The following TENM3 variants were observed in gnomAD, a reference collection of about 807,000 sequenced individuals.
The protein encoded by TENM3 is teneurin-3.
A neutral mutation model predicts 255.1 loss-of-function variants in TENM3; 63 were observed. That is an observed-to-expected ratio of 0.25 (90% CI 0.20 to 0.30). The LOEUF (loss-of-function observed/expected upper bound fraction) is 0.30, where lower values mean the gene tolerates loss of function less well. Among genes scored for constraint, TENM3 ranks in the 10% least tolerant of loss-of-function variants. The probability of loss-of-function intolerance (pLI) is 1.00; values close to 1 mark genes in which losing one functional copy is unlikely to be tolerated. For synonymous variants in TENM3, 1,306 were observed against 1,322.3 expected (o/e 0.99, Z 0.27); for missense variants, 2,929 against 3,461.1 (o/e 0.85, Z 3.86).
At chr4:182,075,772 A>G in the TENM3 span, among the ~76,000 whole-genome samples, 19,452 of 152,218 alleles carry the variant, frequency 0.13, 1,535 homozygotes, top group Admixed American at 0.18. Context: ...GGCTCTGCAT[A>G]GTGCCTGCCG....
At chr4:181,892,109 T>C in the TENM3 span, among the ~76,000 whole-genome samples, 4 of 152,182 alleles carry the variant, frequency 2.6e-5, no homozygotes, top group Admixed American at 2.6e-4. Context: ...AAAATAAATT[T>C]CTATTCTTTG....
chr4:182,622,922 T>A (rs1333038077), intron 4 of TENM3, among the ~76,000 whole-genome samples: 2 of 152,168 alleles, frequency 1.3e-5, no homozygotes, highest in African/African-American at 4.8e-5. Context: ...GAATATATCA[T>A]TCATAGTCCA....
chr4:182,068,880 T>G, the TENM3 span, among the ~76,000 whole-genome samples: 1 of 151,980 alleles, frequency 6.6e-6, no homozygotes, highest in Non-Finnish European at 1.5e-5. Context: ...TATCTATGAG[T>G]ACAAACATTA....
the TENM3 span, among the ~76,000 whole-genome samples, chr4:181,889,881 T>C: frequency 6.6e-5 from 10 of 152,210 alleles, no homozygotes; most frequent in African/African-American, 2.2e-4. Flanking sequence ...ATCTTCCTTA[T>C]AAGCCAAAAA....
the TENM3 span, among the ~76,000 whole-genome samples, chr4:181,626,302 G>A: frequency 6.6e-6 from 1 of 152,154 alleles, no homozygotes; most frequent in African/African-American, 2.4e-5. Context: ...CAGATGGGAG[G>A]GACAGGAGCT....
intron 1 of TENM3, among the ~76,000 whole-genome samples, chr4:182,172,467 A>C (rs1414426272): frequency 6.6e-6 from 1 of 152,168 alleles, no homozygotes; most frequent in Non-Finnish European, 1.5e-5. Flanking sequence ...TTTAGTACTC[A>C]ACCTTAGAAA....
chr4:182,133,292 T>G, the TENM3 span, among the ~76,000 whole-genome samples: 8 of 152,178 alleles, frequency 5.3e-5, no homozygotes, highest in Non-Finnish European at 7.3e-5. Flanking sequence ...TGAAGGGCTT[T>G]CGGCATGAGC....
At chr4:182,416,200 A>G (rs1336650721) in intron 3 of TENM3, among the ~76,000 whole-genome samples, 1 of 152,158 alleles carries the variant, frequency 6.6e-6, no homozygotes, top group Non-Finnish European at 1.5e-5. Context: ...TATCCATAAT[A>G]TGTTTTTATT....
At chr4:181,680,433 A>C in the TENM3 span, among the ~76,000 whole-genome samples, 47 of 152,288 alleles carry the variant, frequency 3.1e-4, no homozygotes, top group South Asian at 8.3e-4. Flanking sequence ...CTATAAATAT[A>C]CTAAAATAAG....
At chr4:181,520,627 G>GT in the TENM3 span, among the ~76,000 whole-genome samples, 2 of 151,910 alleles carry the variant, frequency 1.3e-5, no homozygotes, top group Non-Finnish European at 2.9e-5. Context: ...AGGAGCAAAG[G>GT]TTTTCAGGAA....
At chr4:181,569,035 AAGTAATAAAAGGTTTTTGCC>A in the TENM3 span, among the ~76,000 whole-genome samples, 1 of 152,210 alleles carries the variant, frequency 6.6e-6, no homozygotes, top group Non-Finnish European at 1.5e-5. Flanking sequence ...GCAAGGAGAA[AAGTAATAAAAGGTTTTTGCC>A]AGTGCAGTGG....
chr4:181,800,032 G>C, the TENM3 span, among the ~76,000 whole-genome samples: 1 of 152,108 alleles, frequency 6.6e-6, no homozygotes, highest in East Asian at 1.9e-4. Context: ...TGCAGACCCA[G>C]GATTGCCAGA....
At chr4:181,547,880 A>G in the TENM3 span, among the ~76,000 whole-genome samples, 1 of 151,982 alleles carries the variant, frequency 6.6e-6, no homozygotes, top group African/African-American at 2.4e-5. Flanking sequence ...ATATACATAT[A>G]CATGTGCCAT....
At chr4:181,448,977 G>T in the TENM3 span, among the ~76,000 whole-genome samples, 1 of 152,038 alleles carries the variant, frequency 6.6e-6, no homozygotes, top group Non-Finnish European at 1.5e-5. Context: ...CTATTTTAAG[G>T]TCTCTGACTA....
intron 1 of TENM3, among the ~76,000 whole-genome samples, chr4:182,249,385 G>A (rs377480467): frequency 6.6e-6 from 1 of 152,156 alleles, no homozygotes; most frequent in Non-Finnish European, 1.5e-5. Context: ...TACAACAAAG[G>A]TCTATTTTTT....
intron 2 of TENM3, among the ~76,000 whole-genome samples, chr4:182,338,101 T>A (rs1050552288): frequency 6.6e-6 from 1 of 152,132 alleles, no homozygotes; most frequent in African/African-American, 2.4e-5. Flanking sequence ...CTATGAAATT[T>A]ACCTAAATAT....
chr4:181,579,380 C>T, the TENM3 span, among the ~76,000 whole-genome samples: 3 of 152,056 alleles, frequency 2.0e-5, no homozygotes, highest in East Asian at 3.9e-4. Flanking sequence ...ATACCTAGCT[C>T]GAATTTTGTA....
chr4:181,889,186 T>A, the TENM3 span, among the ~76,000 whole-genome samples: 1 of 152,068 alleles, frequency 6.6e-6, no homozygotes, highest in Non-Finnish European at 1.5e-5. Flanking sequence ...GGGGGGATAT[T>A]GCATCACAGG....
At chr4:182,279,965 CT>C (rs2150264221) in intron 1 of TENM3, among the ~76,000 whole-genome samples, 1 of 152,294 alleles carries the variant, frequency 6.6e-6, no homozygotes, top group Admixed American at 6.5e-5. Context: ...AGGTTCTCCT[CT>C]TTCAAAAAGA....
Sources: allele counts gnomAD v4.1 joint callset (sites outside exome capture counted in the v4.1 genomes callset), GRCh38; gene constraint gnomAD v4.1.1; transcripts MANE v1.5; gene names NCBI Gene and HGNC (gene_info 2026-07-23, HGNC 2026-07-21).